The following SHMT1 variants were observed in gnomAD, a reference collection of about 807,000 sequenced individuals.
SHMT1 encodes the protein serine hydroxymethyltransferase, cytosolic.
Under a neutral mutation model 49.0 loss-of-function variants are expected in SHMT1, and 45 were observed. The observed-to-expected ratio is 0.92, with a 90% CI of 0.72 to 1.18. The LOEUF (loss-of-function observed/expected upper bound fraction) is 1.18. Ranked by LOEUF, SHMT1 falls within the 50% of genes most tolerant of loss-of-function variation. SHMT1 has a pLI of 0.00. For synonymous variants in SHMT1, 232 were observed against 246.6 expected, an observed-to-expected ratio of 0.94 and a Z score of 0.55; for missense variants, 541 against 612.4, an observed-to-expected ratio of 0.88 and a Z score of 1.23.
In SHMT1 at chr17:18,348,347, C is replaced by T. The variant is rs756170223; in HGVS notation, c.336G>A (p.Gly112=). The change falls in exon 4 of 12, where the codon GGG becomes GGA. Residue 112 remains glycine (G), a synonymous_variant. Transcript: ENST00000316694. The part of the protein sequence containing the change: ...QAYKLDPQCW[G]VNVQPYSGSP... ...CACCTGAGTAGGGCTGGACGTTGAC[C>T]CCCCAGCACTGTGGGTCCAGCTTAT... is the stretch of plus-strand genomic sequence containing the variant. 1.9e-6 allele frequency: 3 copies of T among 1,612,938 alleles called. No individual in the cohort carries two copies. The highest frequency in any genetic ancestry group is 1.7e-5 in the Admixed American group (1 of 59,994).
intron 3 of SHMT1, among the ~76,000 whole-genome samples, chr17:18,352,178 C>T (rs1328102706): frequency 7.8e-6 from 1 of 128,014 alleles, no homozygotes; most frequent in Non-Finnish European, 1.6e-5. Flanking sequence ...GACGGAGGCT[C>T]GCTATCGCCC....
Position 18,328,903 on chromosome 17 carries a change from C to T in SHMT1, c.1299G>A (p.Leu433=). The T allele has an allele frequency of 6.2e-7, 1 of 1,613,902 alleles. No homozygotes were observed. The highest frequency in any genetic ancestry group is 8.5e-7 in the Non-Finnish European group (1 of 1,179,974). Residue 433 remains leucine (L), a synonymous_variant, in exon 12 of 12, where the codon CTG becomes CTA. Coordinates refer to ENST00000316694, the MANE Select transcript of SHMT1 (RefSeq NM_004169.5). ...HFIHRGIELT[L]QIQSDTGVRA... is the part of the protein sequence containing the mutation. The stretch of plus-strand genomic sequence containing the variant: ...TGACACCAGTGTCGCTCTGGATCTG[C>T]AGGGTCAGCTCTATCCCTGTGCCAC...
At chr17:18,330,962 C>T (rs527259390) in intron 9 of SHMT1, 1 of 436,494 alleles carries the variant, frequency 2.3e-6, no homozygotes, top group African/African-American at 2.0e-5. Flanking sequence ...TTTTCTCTGA[C>T]AAGTTGCTTG....
chr17:18,329,468 G>T, intron 10 of SHMT1, 80 bp from the exon 11 acceptor site: 1 of 1,143,394 alleles, frequency 8.7e-7, no homozygotes, highest in Non-Finnish European at 1.3e-6. Flanking sequence ...GGACATGTGG[G>T]CAAAAGAGAA....
intron 5 of SHMT1, among the ~76,000 whole-genome samples, chr17:18,343,423 A>C (rs1189744261): frequency 6.6e-6 from 1 of 151,602 alleles, no homozygotes; most frequent in Non-Finnish European, 1.5e-5. Context: ...AGCCTAGCCA[A>C]CATGGTGAAA....
intron 7 of SHMT1, among the ~76,000 whole-genome samples, chr17:18,338,616 A>C (rs1282794032): frequency 6.6e-6 from 1 of 152,252 alleles, no homozygotes; most frequent in East Asian, 1.9e-4. Context: ...TGTCGAATAG[A>C]AAAGGGGGAA....
Position 18,328,452 on chromosome 17 carries a change from A to C in SHMT1, c.*298T>G. On this transcript the variant is annotated 3_prime_UTR_variant, in exon 12 of 12. Transcript: ENST00000316694. ...ACAGCTTTGCCCTACACCACCATCT[A>C]AATGATTATGACCAAGTGGCGACAT... is the stretch of plus-strand genomic sequence containing the variant. The C allele has an allele frequency of 2.4e-6, 1 of 422,470 alleles. No homozygotes were observed. Among genetic ancestry groups the C allele is most frequent in the Non-Finnish European group, 4.4e-6 (1 of 226,512 alleles). The allele number at this position is 422,470 out of a possible 1,614,324, so 26.2% of individuals were successfully genotyped here.
intron 10 of SHMT1, 152 bp downstream of exon 10, chr17:18,330,403 C>CG (rs59627826): frequency 0.016 from 11,449 of 707,598 alleles, 572 homozygotes; most frequent in African/African-American, 0.14. Context: ...CCCAAAGTGC[C>CG]GGGATTACAG....
At chr17:18,338,387 C>T (rs1984083887) in intron 7 of SHMT1, among the ~76,000 whole-genome samples, 3 of 151,520 alleles carry the variant, frequency 2.0e-5, no homozygotes, top group Non-Finnish European at 4.4e-5. Context: ...CCAGCCGCCC[C>T]GTCCGGGAGG....
Position 18,340,798 on chromosome 17 carries a change from C to A in SHMT1, c.535G>T (p.Gly179Cys). Residue 179 changes from glycine to cysteine, a missense_variant, in exon 6 of 12, where the codon GGC becomes TGC. Transcript: ENST00000316694. This position sits in a 1 kb window ranked among gnomAD's most constrained non-coding sequence, Gnocchi z 4.5. ...TCCAGCTGGTCATAGTTGATGTAGC[C>A]AGTATCTGGGTTCACCTGTGGAATG... ...SMPYKVNPDT[G>C]YINYDQLEEN... 1 of 1,613,390 alleles carries A rather than the reference C, an allele frequency of 6.2e-7. No homozygotes were observed. The highest frequency in any genetic ancestry group is 8.5e-7 in the Non-Finnish European group (1 of 1,179,742).
chr17:18,338,049 G>A (rs1288585165), intron 7 of SHMT1, among the ~76,000 whole-genome samples: 1 of 151,028 alleles, frequency 6.6e-6, no homozygotes, highest in Non-Finnish European at 1.5e-5. Flanking sequence ...TGGGATGTGA[G>A]GAGCCCCTCT....
chr17:18,333,294 CAAG>C lies in SHMT1; in HGVS notation c.932-9_932-7del, dbSNP rs1567770613. 5 of 1,612,804 alleles carry C rather than the reference CAAG, an allele frequency of 3.1e-6. No homozygotes were observed. Among genetic ancestry groups the C allele is most frequent in the Admixed American group, 3.3e-5 (2 of 59,964 alleles). On this transcript the variant is annotated splice_polypyrimidine_tract_variant and splice_region_variant and intron_variant, in intron 8 of 11. Transcript: ENST00000316694. ...CTTCAGTGCCACAGCAACCCCTGGA[CAAG>C]AAGAGACAATGGGTCAGGAGGCTAG...
intron 10 of SHMT1, among the ~76,000 whole-genome samples, chr17:18,329,714 C>T (rs1259652660): frequency 2.0e-5 from 3 of 152,028 alleles, no homozygotes; most frequent in Non-Finnish European, 4.4e-5. Context: ...CTCTGGATTC[C>T]GGAGGCCCTG....
chr17:18,358,350 C>T (rs1175191932), intron 1 of SHMT1, among the ~76,000 whole-genome samples: 1 of 151,602 alleles, frequency 6.6e-6, no homozygotes, highest in African/African-American at 2.4e-5. Flanking sequence ...ATTAGCCGGG[C>T]GTAGTGGCTC....
rs774038107 is a variant in SHMT1, at chr17:18,347,679, G to A, written c.359-23C>T. ...AGCCTGAAACGAGTGGACCAGAGGA[G>A]ACATGATTATTTCTAACTGAGGTAC... On this transcript the variant is annotated intron_variant, in intron 4 of 11. Transcript: ENST00000316694. 3.1e-6 allele frequency: 5 copies of A among 1,613,846 alleles called. No individual in the cohort carries two copies. In the East Asian group the frequency reaches 1.1e-4, roughly 36 times the overall value.
intron 7 of SHMT1, among the ~76,000 whole-genome samples, chr17:18,339,748 G>T (rs3794773): frequency 6.6e-6 from 1 of 151,994 alleles, no homozygotes; most frequent in Admixed American, 6.6e-5. Context: ...TTTTAGTAGA[G>T]ACGGGGTTTC....
rs1412221248 is a variant in SHMT1, at chr17:18,338,429, C to A, written c.814+1614G>T. On this transcript the variant is annotated intron_variant, in intron 7 of 11. Coordinates refer to ENST00000316694, the MANE Select transcript of SHMT1 (RefSeq NM_004169.5). ...GGGGGCAGCCCCCGCCTGGCCGTCA[C>A]CCCTTCCAGGAGGTGGGGGGGCGCC... Among the ~76,000 whole-genome samples, 4 of 150,978 alleles carry A rather than the reference C, an allele frequency of 2.6e-5. No individual in the cohort carries two copies. In the East Asian group the frequency reaches 8.0e-4, roughly 30 times the overall value.
chr17:18,358,287 C>G (rs554385738), intron 1 of SHMT1, among the ~76,000 whole-genome samples: 3 of 150,762 alleles, frequency 2.0e-5, no homozygotes, highest in African/African-American at 7.3e-5. Context: ...GTCAGGAGAT[C>G]GAGACCATCC....
At chr17:18,353,921 T>C (rs1985968853) in intron 2 of SHMT1, 104 bp from the exon 3 acceptor site, 4 of 1,011,264 alleles carry the variant, frequency 4.0e-6, no homozygotes, top group Non-Finnish European at 6.3e-6. Flanking sequence ...TCTTTCACAT[T>C]ATGGAATAGA....
Sources: gnomAD v4.1 joint callset for allele counts (sites outside exome capture counted in the v4.1 genomes callset) on GRCh38, gnomAD v4.1.1 for gene constraint, Gnocchi (gnomAD v3.1) non-coding constraint, MANE v1.5 for transcripts, NCBI Gene and HGNC (gene_info 2026-07-23, HGNC 2026-07-21) for gene names.